KIF5B: variants seen among roughly 807,000 people sequenced by gnomAD.
The protein encoded by KIF5B is kinesin family member 5B, also known as kinesin-1 heavy chain.
In KIF5B, 49 loss-of-function variants were observed where a neutral mutation model predicts 132.8. The observed-to-expected ratio is 0.37, with a 90% CI of 0.29 to 0.47. The LOEUF (loss-of-function observed/expected upper bound fraction) is 0.47, where lower values mean the gene tolerates loss of function less well. Ranked by LOEUF, KIF5B falls within the 20% of genes least tolerant of loss-of-function variation. KIF5B has a pLI of 1.00. For missense variants in KIF5B, 780 were observed against 1,144.0 expected, an observed-to-expected ratio of 0.68 and a Z score of 4.59; for synonymous variants, 355 against 369.4, an observed-to-expected ratio of 0.96 and a Z score of 0.45.
At chr10:32,043,040 T>A (rs942917293) in intron 2 of KIF5B, among the ~76,000 whole-genome samples, 1 of 152,032 alleles carries the variant, frequency 6.6e-6, no homozygotes, top group Non-Finnish European at 1.5e-5. Context: ...CAGGCTGGAG[T>A]GCAGTGGCGC....
intron 14 of KIF5B, 48 bp from the exon 15 acceptor site, chr10:32,028,619 A>C: frequency 1.3e-6 from 2 of 1,516,598 alleles, no homozygotes; most frequent in Non-Finnish European, 1.8e-6. Flanking sequence ...CTACATGAAA[A>C]TTCAAATCAA....
chr10:32,056,130 C>G lies in KIF5B; in HGVS notation c.-157G>C, dbSNP rs899073746. ...TCCCCGGGTGGAGGCGGCCGGGGAG[C>G]CGGGACTTGAAGAGCCGGCGCCGGC... On this transcript the variant is annotated 5_prime_UTR_variant, in exon 1 of 26. Coordinates refer to ENST00000302418, the MANE Select transcript of KIF5B (RefSeq NM_004521.3). 7 of 852,748 alleles carry G rather than the reference C, an allele frequency of 8.2e-6. No homozygotes were observed. The African/African-American group carries it at 1.1e-4, about 13-fold the overall frequency. The allele number at this position is 852,748 out of a possible 1,614,324, so 52.8% of individuals were successfully genotyped here.
Position 32,018,648 on chromosome 10 carries a change from C to A in KIF5B, c.2307-86G>T, listed in dbSNP as rs530795833. On this transcript the variant is annotated intron_variant, in intron 20 of 25. Coordinates refer to ENST00000302418, the MANE Select transcript of KIF5B (RefSeq NM_004521.3). ...GAGAGTTGAATAAAATATTTTGTGTCTGAAAGGATAAATTCTTAAATTTAA... is the reference window on the plus strand; with the variant it reads ...GAGAGTTGAATAAAATATTTTGTGTATGAAAGGATAAATTCTTAAATTTAA... 2.9e-5 allele frequency: 29 copies of A among 996,488 alleles called. 2 individuals carry two copies. In the South Asian group the frequency reaches 4.2e-4, roughly 14 times the overall value. The allele number at this position is 996,488 out of a possible 1,614,324, so 61.7% of individuals were successfully genotyped here.
In KIF5B at chr10:32,032,767, T is replaced by C; in HGVS notation, c.1313A>G (p.Glu438Gly). Residue 438 changes from glutamate to glycine, a missense_variant, in exon 13 of 26, where the codon GAA becomes GGA. Around this residue, in one of 9 missense-constraint regions of KIF5B, gnomAD observed 471 missense variants for 569.9 expected, o/e 0.83. Transcript: ENST00000302418. ...TACCAGTTGACTTTGCTGGTTAATTTCTTCATCCTAGAATTGTGAAGTATC... is the reference window on the plus strand; with the variant it reads ...TACCAGTTGACTTTGCTGGTTAATTCCTTCATCCTAGAATTGTGAAGTATC... Reference protein sequence around the residue: ...LYKQLDDKDEEINQQSQLVEK... With the variant: ...LYKQLDDKDEGINQQSQLVEK... The C allele has an allele frequency of 6.2e-7, 1 of 1,613,798 alleles. No individual in the cohort carries two copies. Among genetic ancestry groups the C allele is most frequent in the Non-Finnish European group, 8.5e-7 (1 of 1,179,680 alleles).
chr10:32,048,950 C>G (rs1339084227), intron 1 of KIF5B, among the ~76,000 whole-genome samples: 1 of 152,088 alleles, frequency 6.6e-6, no homozygotes, highest in African/African-American at 2.4e-5. Context: ...CTTACTGCAG[C>G]CTCAACCTCC....
rs988715483 is a variant in KIF5B, at chr10:32,035,511, T to C, written c.962+11A>G. The C allele has an allele frequency of 6.3e-7, 1 of 1,598,510 alleles. No individual in the cohort carries two copies. Among genetic ancestry groups the C allele is most frequent in the Admixed American group, 1.8e-5 (1 of 55,906 alleles). On this transcript the variant is annotated intron_variant, in intron 10 of 25. Transcript: ENST00000302418. ...TCTAAATTTAGGTTTTGTACTTTCT[T>C]AACAACAAACCTTTGGCCAAATAAG...
chr10:32,020,011 A>G (rs1048768408), intron 19 of KIF5B, 52 bp from the exon 20 acceptor site: 2 of 1,186,542 alleles, frequency 1.7e-6, no homozygotes, highest in Non-Finnish European at 1.2e-6. Context: ...AGTTTTCTCA[A>G]TGTCATCATT....
rs779573959 is a variant in KIF5B, at chr10:32,019,913, G to T, written c.2251C>A (p.His751Asn). The change falls in exon 20 of 26, where the codon CAT becomes AAT. Residue 751 changes from histidine to asparagine, a missense_variant. His to Asn is a moderately conservative substitution (Grantham distance 68). Transcript: ENST00000302418. ...TGATCTGTGGCTTTCAACTTCTCAT[G>T]TTCTACTCTTAGACGTTCCTGCTCT... ...MLEQERLRVE[H>N]EKLKATDQEK... The T allele has an allele frequency of 6.2e-7, 1 of 1,612,334 alleles. No homozygotes were observed. Among genetic ancestry groups the T allele is most frequent in the Non-Finnish European group, 8.5e-7 (1 of 1,179,484 alleles).
chr10:32,055,543 CA>C (rs1841744526), intron 1 of KIF5B, among the ~76,000 whole-genome samples: 1 of 152,004 alleles, frequency 6.6e-6, no homozygotes. Context: ...CACACACACG[CA>C]GACAAACGTG....
chr10:32,017,404 G>T (rs1393531889), intron 23 of KIF5B, 45 bp from the exon 24 acceptor site: 2 of 1,449,950 alleles, frequency 1.4e-6, no homozygotes, highest in South Asian at 1.2e-5. Flanking sequence ...TTAACAGGAT[G>T]ACTTGAAAAA....
chr10:32,036,730 G>C (rs1263158935), intron 8 of KIF5B, among the ~76,000 whole-genome samples: 2 of 152,152 alleles, frequency 1.3e-5, no homozygotes, highest in Non-Finnish European at 2.9e-5. Context: ...ATTCTAAGCA[G>C]AAGAAACAAA....
chr10:32,044,919 C>T (rs17487587), intron 2 of KIF5B, among the ~76,000 whole-genome samples: 15,104 of 152,084 alleles, frequency 0.099, 845 homozygotes, highest in Middle Eastern at 0.14. Flanking sequence ...TTATCCTGAA[C>T]GCAGTTCCAA....
chr10:32,032,746 A>C lies in KIF5B; in HGVS notation c.1334T>G (p.Leu445Arg), dbSNP rs762540526. 1.9e-6 allele frequency: 3 copies of C among 1,614,036 alleles called. No homozygotes were observed. The highest frequency in any genetic ancestry group is 2.5e-6 in the Non-Finnish European group (3 of 1,179,908). The change falls in exon 13 of 26, where the codon CTG (leucine) becomes CGG (arginine). Residue 445 changes from leucine to arginine, a missense_variant. By Grantham distance (102) the Leu-to-Arg change is moderately radical. Coordinates refer to ENST00000302418, the MANE Select transcript of KIF5B (RefSeq NM_004521.3). ...KDEEINQQSQ[L>R]VEKLKTQMLD... Reference sequence around the variant, plus strand: ...CATTTGCGTCTTCAGTTTCTCTACCAGTTGACTTTGCTGGTTAATTTCTTC... The same window carrying C: ...CATTTGCGTCTTCAGTTTCTCTACCCGTTGACTTTGCTGGTTAATTTCTTC...
intron 2 of KIF5B, among the ~76,000 whole-genome samples, chr10:32,047,572 C>A (rs1331643144): frequency 6.6e-6 from 1 of 152,164 alleles, no homozygotes; most frequent in Non-Finnish European, 1.5e-5. Context: ...GATGACTTTG[C>A]TCCCTGTATT....
chr10:32,056,045 C>T lies in KIF5B; in HGVS notation c.-72G>A. On this transcript the variant is annotated 5_prime_UTR_variant, in exon 1 of 26. Coordinates refer to ENST00000302418, the MANE Select transcript of KIF5B (RefSeq NM_004521.3). ...CAGTCTTGCAGGGAACGCGCCGGAC[C>T]TGAGGGCTTGTGGTCGCGAGGGCCG... 6.4e-7 allele frequency: 1 copy of T among 1,570,252 alleles called. No individual in the cohort carries two copies. The highest frequency in any genetic ancestry group is 1.1e-5 in the South Asian group (1 of 89,300).
In KIF5B at chr10:32,040,657, A is replaced by C. The variant is rs72775197; in HGVS notation, c.215-200T>G. 2.8e-3 allele frequency among the ~76,000 whole-genome samples: 389 copies of C among 137,648 alleles called. 1 individual carries two copies. The highest frequency in any genetic ancestry group is 4.4e-3 in the Non-Finnish European group (278 of 62,948). The allele number at this position is 137,648 out of a possible 152,430, so 90.3% of individuals were successfully genotyped here. On this transcript the variant is annotated intron_variant, in intron 2 of 25. Coordinates refer to ENST00000302418, the MANE Select transcript of KIF5B (RefSeq NM_004521.3). ...CACACACACACACACACACACACAC[A>C]CCCTCTTCCTAACCCTTGCATACTA...
At chr10:32,023,783 C>T (rs11008731) in intron 15 of KIF5B, among the ~76,000 whole-genome samples, 4 of 152,156 alleles carry the variant, frequency 2.6e-5, no homozygotes, top group African/African-American at 9.7e-5. Context: ...AGGACAGTCT[C>T]TTCAACTGGA....
In KIF5B at chr10:32,037,536, T is replaced by C; in HGVS notation, c.570A>G (p.Arg190=). Residue 190 remains arginine (R), a synonymous_variant, in exon 7 of 26, where the codon AGA becomes AGG. Coordinates refer to ENST00000302418, the MANE Select transcript of KIF5B (RefSeq NM_004521.3). ...MDTIDEGKSN[R]HVAVTNMNEH... Reference sequence around the variant, plus strand: ...TCTACTTACTTGTAACTGCTACATGTCTGTTGGATTTTCCTTCATCTATGG... The same window carrying C: ...TCTACTTACTTGTAACTGCTACATGCCTGTTGGATTTTCCTTCATCTATGG... 1 of 1,612,370 alleles carries C rather than the reference T, an allele frequency of 6.2e-7. No individual in the cohort carries two copies. The highest frequency in any genetic ancestry group is 1.1e-5 in the South Asian group (1 of 91,040).
chr10:32,029,759 T>C (rs1841378643), intron 14 of KIF5B, among the ~76,000 whole-genome samples: 1 of 152,180 alleles, frequency 6.6e-6, no homozygotes, highest in South Asian at 2.1e-4. Context: ...TCTTAAAGAC[T>C]AAAATCAGCG....
Sources: allele counts gnomAD v4.1 joint callset (sites outside exome capture counted in the v4.1 genomes callset), GRCh38; gene constraint gnomAD v4.1.1; regional missense constraint gnomAD v4.1.1; transcripts MANE v1.5; gene names NCBI Gene and HGNC (gene_info 2026-07-23, HGNC 2026-07-21).